Variants in CNTNAP2 observed in about 807,000 individuals in gnomAD.
CNTNAP2 encodes the protein contactin-associated protein-like 2.
In CNTNAP2, 98 loss-of-function variants were observed where a neutral mutation model predicts 155.2. The observed-to-expected ratio is 0.63, with a 90% CI of 0.54 to 0.75. The LOEUF (loss-of-function observed/expected upper bound fraction) is 0.75. Among genes scored for constraint, CNTNAP2 ranks in the 30% least tolerant of loss-of-function variants. CNTNAP2 has a pLI of 0.00. For missense variants in CNTNAP2, 1,727 were observed against 1,688.1 expected (o/e 1.02, Z -0.40); for synonymous variants, 651 against 631.2 (o/e 1.03, Z -0.47).
At chr7:146,389,517 C>A (rs2129106342) in intron 1 of CNTNAP2, among the ~76,000 whole-genome samples, 1 of 151,602 alleles carries the variant, frequency 6.6e-6, no homozygotes, top group Admixed American at 6.6e-5. Flanking sequence ...CAATTCATAT[C>A]AACTTTTATT....
At chr7:147,473,562 G>T (rs151190193) in intron 10 of CNTNAP2, among the ~76,000 whole-genome samples, 1 of 151,878 alleles carries the variant, frequency 6.6e-6, no homozygotes, top group African/African-American at 2.4e-5. Context: ...AATACCTTTG[G>T]TTTAATTTAT....
chr7:146,297,482 A>G (rs1800533102), intron 1 of CNTNAP2, among the ~76,000 whole-genome samples: 1 of 151,986 alleles, frequency 6.6e-6, no homozygotes, highest in Admixed American at 6.6e-5. Context: ...AAAGTGAAAT[A>G]GAAGAAAGAG....
At chr7:147,391,195 TG>T (rs1157530060) in intron 9 of CNTNAP2, among the ~76,000 whole-genome samples, 3 of 152,126 alleles carry the variant, frequency 2.0e-5, no homozygotes, top group Non-Finnish European at 2.9e-5. Context: ...GGTTCAAAAG[TG>T]GAGAAAATAA....
rs139233840 is a variant in CNTNAP2, at chr7:146,499,072, G to C, written c.98-275199G>C. ...ACTTCTTCATACTGCATCTTAAATA[G>C]ATTATCTGTACTCTGCCAATGATCT... On this transcript the variant is annotated intron_variant, in intron 1 of 23. Transcript: ENST00000361727. 5.7e-4 allele frequency among the ~76,000 whole-genome samples: 87 copies of C among 152,240 alleles called. 1 individual carries two copies. The East Asian group carries it at 0.016, about 28-fold the overall frequency.
chr7:146,579,258 T>C lies in CNTNAP2; in HGVS notation c.98-195013T>C, dbSNP rs114592408. Among the ~76,000 whole-genome samples, 992 of 152,214 alleles carry C rather than the reference T, an allele frequency of 6.5e-3. 8 individuals carry two copies. Among genetic ancestry groups the C allele is most frequent in the African/African-American group, 0.023 (949 of 41,560 alleles). On this transcript the variant is annotated intron_variant, in intron 1 of 23. Coordinates refer to ENST00000361727, the MANE Select transcript of CNTNAP2 (RefSeq NM_014141.6). ...AAACAAGTATTTTTTTAATTAAGTC[T>C]CAAACAGCTACTTCTCAAAATTCCA...
At chr7:147,403,822 G>GA (rs34752836) in intron 10 of CNTNAP2, among the ~76,000 whole-genome samples, 16 of 150,572 alleles carry the variant, frequency 1.1e-4, no homozygotes, top group South Asian at 2.1e-4. Flanking sequence ...CATAGAGTAA[G>GA]AAAAAAAAAA....
intron 20 of CNTNAP2, among the ~76,000 whole-genome samples, chr7:148,230,905 C>T (rs780983399): frequency 1.3e-5 from 2 of 152,122 alleles, no homozygotes; most frequent in Non-Finnish European, 2.9e-5. Context: ...AAACCAAGCC[C>T]ATCTTTAACC....
intron 4 of CNTNAP2, among the ~76,000 whole-genome samples, chr7:147,104,058 A>G (rs1008566778): frequency 7.9e-5 from 12 of 152,090 alleles, no homozygotes; most frequent in Non-Finnish European, 1.3e-4. Flanking sequence ...TCCAAGTATA[A>G]TCTGTATTTG....
At chr7:146,476,832 AG>A (rs1796884376) in intron 1 of CNTNAP2, among the ~76,000 whole-genome samples, 1 of 152,212 alleles carries the variant, frequency 6.6e-6, no homozygotes, top group Non-Finnish European at 1.5e-5. Flanking sequence ...CTTGGCGAGT[AG>A]GGCTACAAAA....
intron 3 of CNTNAP2, among the ~76,000 whole-genome samples, chr7:147,032,271 A>T (rs1419388441): frequency 1.3e-5 from 2 of 152,268 alleles, no homozygotes; most frequent in Admixed American, 1.3e-4. Flanking sequence ...AGGTAAGCAC[A>T]GAATTTCAGA....
chr7:147,561,128 C>A (rs1322812534), intron 11 of CNTNAP2, among the ~76,000 whole-genome samples: 2 of 151,892 alleles, frequency 1.3e-5, no homozygotes, highest in East Asian at 1.9e-4. Context: ...ATTCTAGGAC[C>A]ATGCAATTAT....
intron 21 of CNTNAP2, among the ~76,000 whole-genome samples, chr7:148,364,241 C>T (rs1272513007): frequency 7.2e-5 from 11 of 152,344 alleles, no homozygotes; most frequent in East Asian, 1.9e-4. Flanking sequence ...AGCCCCAGTG[C>T]GGGATCCACT....
intron 1 of CNTNAP2, among the ~76,000 whole-genome samples, chr7:146,403,975 A>G (rs1795750247): frequency 6.6e-6 from 1 of 151,460 alleles, no homozygotes; most frequent in South Asian, 2.1e-4. Context: ...AATACAAAAA[A>G]TTAGCCGGGC....
At chr7:146,824,538 C>T (rs1803361880) in intron 2 of CNTNAP2, among the ~76,000 whole-genome samples, 1 of 152,134 alleles carries the variant, frequency 6.6e-6, no homozygotes, top group Non-Finnish European at 1.5e-5. Flanking sequence ...TCCACATCCC[C>T]TTCAGTATCT....
At chr7:147,373,930 A>C (rs1431010532) in intron 9 of CNTNAP2, among the ~76,000 whole-genome samples, 3 of 152,042 alleles carry the variant, frequency 2.0e-5, no homozygotes, top group Admixed American at 6.6e-5. Context: ...ACTTTTGAAA[A>C]GATGACTTGT....
At chr7:147,049,490 G>A (rs1799430330) in intron 4 of CNTNAP2, among the ~76,000 whole-genome samples, 1 of 151,916 alleles carries the variant, frequency 6.6e-6, no homozygotes, top group African/African-American at 2.4e-5. Flanking sequence ...GTTGTCTCAA[G>A]AGCTTTCTTT....
intron 13 of CNTNAP2, among the ~76,000 whole-genome samples, chr7:147,647,609 G>A (rs1374285255): frequency 6.6e-6 from 1 of 151,936 alleles, no homozygotes; most frequent in Non-Finnish European, 1.5e-5. Context: ...GTTTTAATGG[G>A]CTCTTTCTTA....
At position 147,132,394 on chromosome 7, in the gene CNTNAP2, C is replaced by T. The variant is rs2129285297; in HGVS notation, c.1233C>T (p.Val411=). The T allele has an allele frequency of 6.2e-7, 1 of 1,613,670 alleles. No homozygotes were observed. Among genetic ancestry groups the T allele is most frequent in the Non-Finnish European group, 8.5e-7 (1 of 1,179,792 alleles). Reference sequence around the variant, plus strand: ...CATGGAACCCCAATGGTCTCCTGGTCTTCAGTCACTTTGCGGATAATTTGG... The same window carrying T: ...CATGGAACCCCAATGGTCTCCTGGTTTTCAGTCACTTTGCGGATAATTTGG... ...FRTWNPNGLL[V]FSHFADNLGN... is the part of the protein sequence containing the mutation. The change falls in exon 8 of 24, where the codon GTC becomes GTT. Residue 411 remains valine, a synonymous_variant. Transcript: ENST00000361727.
At chr7:146,617,539 T>C (rs1799246550) in intron 1 of CNTNAP2, among the ~76,000 whole-genome samples, 4 of 152,178 alleles carry the variant, frequency 2.6e-5, no homozygotes, top group Admixed American at 2.6e-4. Context: ...TTCTAGGAAA[T>C]AAACTTCTTC....
Sources: allele counts gnomAD v4.1 joint callset (sites outside exome capture counted in the v4.1 genomes callset), GRCh38; gene constraint gnomAD v4.1.1; transcripts MANE v1.5; gene names NCBI Gene and HGNC (gene_info 2026-07-23, HGNC 2026-07-21).